Variants in CCDC148 observed in about 807,000 individuals in gnomAD.
CCDC148 encodes the protein coiled-coil domain containing 148, also known as coiled-coil domain-containing protein 148.
CCDC148 carries 89 observed loss-of-function variants against 85.7 expected under a neutral mutation model. The ratio of observed to expected loss-of-function variants is 1.04; its 90% CI spans 0.87 to 1.24. The LOEUF is 1.24. CCDC148 is among the 50% of genes most tolerant of loss of function. CCDC148 has a pLI of 0.00. For synonymous variants in CCDC148, 230 were observed against 213.9 expected (o/e 1.08, Z -0.66); for missense variants, 692 against 671.7 (o/e 1.03, Z -0.33).
intron 1 of CCDC148, among the ~76,000 whole-genome samples, chr2:158,382,975 C>T (rs936900521): frequency 6.6e-6 from 1 of 151,590 alleles, no homozygotes. Flanking sequence ...TTCAATGACA[C>T]AGTTTTACAC....
At position 158,416,390 on chromosome 2, in the gene CCDC148, T is replaced by A. The variant is rs1686501426; in HGVS notation, c.25+40025A>T. 2.0e-5 allele frequency among the ~76,000 whole-genome samples: 3 copies of A among 152,226 alleles called. No homozygotes were observed. The South Asian group carries it at 6.2e-4, about 32-fold the overall frequency. ...GCCAGCTGGAAGTTCCAGTTTCAGATCATCTCTGCTCACACATATGAGCAT... is the reference window on the plus strand; with the variant it reads ...GCCAGCTGGAAGTTCCAGTTTCAGAACATCTCTGCTCACACATATGAGCAT... On this transcript the variant is annotated intron_variant, in intron 1 of 13. Transcript: ENST00000283233.
In CCDC148 at chr2:158,305,221, C is replaced by T. The variant is rs553592165; in HGVS notation, c.1110+4212G>A. ...AACTGGGAGAAGGAAATGAAGAAAC[C>T]ATCTTCTCCTGGGGACGGTGAAGGA... On this transcript the variant is annotated intron_variant, in intron 9 of 13. Transcript: ENST00000283233. 2.6e-5 allele frequency among the ~76,000 whole-genome samples: 4 copies of T among 152,264 alleles called. No individual in the cohort carries two copies. In the East Asian group the frequency reaches 7.7e-4, roughly 29 times the overall value.
intron 3 of CCDC148, 40 bp downstream of exon 3, chr2:158,345,175 G>T (rs922628840): frequency 1.2e-5 from 17 of 1,383,688 alleles, no homozygotes; most frequent in Non-Finnish European, 1.6e-5. Context: ...GCTATTCCTA[G>T]TAATTCCTAC....
chr2:158,340,148 T>C (rs911554818), intron 5 of CCDC148, 94 bp downstream of exon 5: 2 of 1,011,530 alleles, frequency 2.0e-6, no homozygotes, highest in Non-Finnish European at 2.9e-6. Context: ...TTAACTAATA[T>C]ACAGGTCACA....
At position 158,394,613 on chromosome 2, in the gene CCDC148, G is replaced by GA. The variant is rs796695933; in HGVS notation, c.26-36044dup. 5.4e-3 allele frequency among the ~76,000 whole-genome samples: 779 copies of GA among 144,910 alleles called. 9 individuals are homozygous for GA. Among genetic ancestry groups the GA allele is most frequent in the African/African-American group, 0.016 (617 of 39,796 alleles). On this transcript the variant is annotated intron_variant, in intron 1 of 13. Coordinates refer to ENST00000283233, the MANE Select transcript of CCDC148 (RefSeq NM_138803.4). ...AAATTCTCATTCTCACTTCCAGAAG[G>GA]AAAAAAAAAAACTGTGGAGAAACCC...
intron 1 of CCDC148, among the ~76,000 whole-genome samples, chr2:158,453,704 A>G (rs1688494978): frequency 1.3e-5 from 2 of 152,102 alleles, no homozygotes; most frequent in African/African-American, 4.8e-5. Flanking sequence ...TCTTTAGGGG[A>G]TAATATGAAA....
intron 7 of CCDC148, among the ~76,000 whole-genome samples, chr2:158,329,504 G>C (rs1335507997): frequency 6.6e-6 from 1 of 151,762 alleles, no homozygotes; most frequent in Non-Finnish European, 1.5e-5. Context: ...CTCTTTTTTG[G>C]TTCCATATGA....
rs1332874573 is a variant in CCDC148, at chr2:158,293,976, C to T, written c.1110+15457G>A. 3.8e-3 allele frequency among the ~76,000 whole-genome samples: 116 copies of T among 30,456 alleles called. 5 individuals carry two copies. Among genetic ancestry groups the T allele is most frequent in the Non-Finnish European group, 4.7e-3 (83 of 17,686 alleles). The allele number at this position is 30,456 out of a possible 152,430, so 20.0% of individuals were successfully genotyped here. On this transcript the variant is annotated intron_variant, in intron 9 of 13. Transcript: ENST00000283233. ...CCTCTCCCTCCCTCCCTCCCTCCCCCCCCCCCTCCCTCCCTCCCTCCCTCC... is the reference window on the plus strand; with the variant it reads ...CCTCTCCCTCCCTCCCTCCCTCCCCTCCCCCCTCCCTCCCTCCCTCCCTCC...
intron 7 of CCDC148, among the ~76,000 whole-genome samples, chr2:158,324,650 T>C (rs909092861): frequency 6.6e-6 from 1 of 152,172 alleles, no homozygotes; most frequent in African/African-American, 2.4e-5. Flanking sequence ...TGACATGGTG[T>C]CAGACTTCCA....
At chr2:158,399,823 G>A (rs1401029150) in intron 1 of CCDC148, among the ~76,000 whole-genome samples, 1 of 152,022 alleles carries the variant, frequency 6.6e-6, no homozygotes, top group Non-Finnish European at 1.5e-5. Context: ...TAGGAAAAGA[G>A]GAAGTCAAAT....
At chr2:158,313,962 C>T in intron 7 of CCDC148, 68 bp from the exon 8 acceptor site, 1 of 1,471,064 alleles carries the variant, frequency 6.8e-7, no homozygotes, top group Non-Finnish European at 9.2e-7. Flanking sequence ...TCAAACTGTT[C>T]AAGCTACTAG....
chr2:158,367,736 A>T (rs2105276568), intron 1 of CCDC148, among the ~76,000 whole-genome samples: 1 of 152,288 alleles, frequency 6.6e-6, no homozygotes, highest in African/African-American at 2.4e-5. Context: ...TATTTAGAAG[A>T]CCAAGTGGAA....
At chr2:158,277,371 C>T (rs1690001206) in intron 9 of CCDC148, among the ~76,000 whole-genome samples, 1 of 152,162 alleles carries the variant, frequency 6.6e-6, no homozygotes, top group Non-Finnish European at 1.5e-5. Flanking sequence ...ACCATTCACA[C>T]CTACTGAGAA....
intron 9 of CCDC148, among the ~76,000 whole-genome samples, chr2:158,307,710 A>G (rs1691763135): frequency 6.6e-6 from 1 of 152,274 alleles, no homozygotes; most frequent in Non-Finnish European, 1.5e-5. Flanking sequence ...ACAGCAATAA[A>G]GAAGAACAAA....
chr2:158,316,373 G>T (rs917061481), intron 7 of CCDC148, among the ~76,000 whole-genome samples: 1 of 152,170 alleles, frequency 6.6e-6, no homozygotes, highest in Non-Finnish European at 1.5e-5. Flanking sequence ...TGCCATTTTA[G>T]TGACAATATT....
intron 9 of CCDC148, among the ~76,000 whole-genome samples, chr2:158,251,353 C>T (rs1688786073): frequency 6.6e-6 from 1 of 151,594 alleles, no homozygotes; most frequent in Non-Finnish European, 1.5e-5. Flanking sequence ...GGAAAACAGG[C>T]CTGAATTAAG....
Position 158,401,824 on chromosome 2 carries a change from CG to C in CCDC148, c.26-43255del, listed in dbSNP as rs140611292. On this transcript the variant is annotated intron_variant, in intron 1 of 13. Transcript: ENST00000283233. ...GGAGAGGGCAGGGCAAAGGAGATTACGGGGAGAACATATCAGAATTGTTGCA... is the reference window on the plus strand; with the variant it reads ...GGAGAGGGCAGGGCAAAGGAGATTACGGGAGAACATATCAGAATTGTTGCA... 5.4e-3 allele frequency among the ~76,000 whole-genome samples: 817 copies of C among 152,012 alleles called. 9 individuals are homozygous for C. Among genetic ancestry groups the C allele is most frequent in the African/African-American group, 0.018 (766 of 41,490 alleles).
chr2:158,318,022 A>ATCGGG lies in CCDC148; in HGVS notation c.765-4133_765-4129dup, dbSNP rs1692357845. Reference sequence around the variant, plus strand: ...ACAGACCATCCTCTTGTCTGGCTGCATCGGGTCTGACCCTCTGTAATATAC... The same window carrying ATCGGG: ...ACAGACCATCCTCTTGTCTGGCTGCATCGGGTCGGGTCTGACCCTCTGTAATATAC... On this transcript the variant is annotated intron_variant, in intron 7 of 13. Coordinates refer to ENST00000283233, the MANE Select transcript of CCDC148 (RefSeq NM_138803.4). Among the ~76,000 whole-genome samples the ATCGGG allele has an allele frequency of 3.3e-5, 5 of 152,252 alleles. No homozygotes were observed. The South Asian group carries it at 1.0e-3, about 32-fold the overall frequency.
chr2:158,329,692 G>A (rs1482181900), intron 7 of CCDC148, among the ~76,000 whole-genome samples: 2 of 152,058 alleles, frequency 1.3e-5, no homozygotes, highest in African/African-American at 2.4e-5. Context: ...TCATTGAGCA[G>A]TGGTTTGTAG....
Sources: allele counts gnomAD v4.1 joint callset (sites outside exome capture counted in the v4.1 genomes callset), GRCh38; gene constraint gnomAD v4.1.1; transcripts MANE v1.5; gene names NCBI Gene and HGNC (gene_info 2026-07-23, HGNC 2026-07-21).